TBX1: variants seen among roughly 807,000 people sequenced by gnomAD.
TBX1 encodes T-box transcription factor 1.
A neutral mutation model predicts 40.8 loss-of-function variants in TBX1; 16 were observed. That is an observed-to-expected ratio of 0.39 (90% CI 0.27 to 0.60). The LOEUF is 0.60. TBX1 is among the 20% of genes least tolerant of loss of function. The pLI, the probability that TBX1 is intolerant of heterozygous loss-of-function variation, is 0.51. For synonymous variants in TBX1, 403 were observed against 336.8 expected (o/e 1.20, Z -2.15); for missense variants, 755 against 728.5 (o/e 1.04, Z -0.42).
chr22:19,758,979 C>T (rs973156150), upstream of TBX1, among the ~76,000 whole-genome samples: 1 of 152,234 alleles, frequency 6.6e-6, no homozygotes, highest in Non-Finnish European at 1.5e-5. Context: ...GCTGCCCTCT[C>T]CTCACCCAGG....
rs1265827650 is a variant in TBX1, at chr22:19,766,021, G to T, written c.1036+19G>T. 1.3e-6 allele frequency: 2 copies of T among 1,488,278 alleles called. No homozygotes were observed. The highest frequency in any genetic ancestry group is 2.9e-5 in the East Asian group (1 of 35,056). 92.2% of individuals were successfully genotyped at this position (1,488,278 alleles called of 1,614,324 possible). A position where few individuals can be genotyped will look rare whatever the true frequency, so the allele number is the denominator to read the frequency against. On this transcript the variant is annotated intron_variant, in intron 6 of 6. Transcript: ENST00000649276. ...GAGAAAGGTAGGGCCGGGGTCGTGGGATCCGGGTTCCGGCCCTGTGCGCGC... is the reference window on the plus strand; with the variant it reads ...GAGAAAGGTAGGGCCGGGGTCGTGGTATCCGGGTTCCGGCCCTGTGCGCGC...
downstream of TBX1, among the ~76,000 whole-genome samples, chr22:19,767,804 C>T (rs762606804): frequency 1.3e-4 from 20 of 152,178 alleles, no homozygotes; most frequent in Admixed American, 3.3e-4. Context: ...GGGGAGAAGC[C>T]CCTGACCGGG....
At chr22:19,776,194 G>A (rs1257926740) in intron 8 of TBX1, among the ~76,000 whole-genome samples, 5 of 152,132 alleles carry the variant, frequency 3.3e-5, no homozygotes, top group Admixed American at 1.3e-4. Context: ...TCTGGGGCCT[G>A]TGCTCGTGGC....
At chr22:19,758,819 C>T (rs1395832148), upstream of TBX1, among the ~76,000 whole-genome samples, 4 of 152,202 alleles carry the variant, frequency 2.6e-5, no homozygotes, top group Non-Finnish European at 2.9e-5. Context: ...GCCTGGGCAG[C>T]GTCCCTCTGC....
chr22:19,780,788 GT>G (rs58810923), downstream of TBX1, among the ~76,000 whole-genome samples: 5 of 130,748 alleles, frequency 3.8e-5, no homozygotes, highest in East Asian at 2.2e-4. Context: ...TTTTTTTTTT[GT>G]TTTTTTTTTT....
In TBX1 at chr22:19,767,063, T is replaced by C; in HGVS notation, c.*196T>C. 7.9e-7 allele frequency: 1 copy of C among 1,272,946 alleles called. No homozygotes were observed. Among genetic ancestry groups the C allele is most frequent in the Non-Finnish European group, 9.9e-7 (1 of 1,011,254 alleles). The allele number at this position is 1,272,946 out of a possible 1,614,324, so 78.9% of individuals were successfully genotyped here. ...CCCCTTGGGCTATCGAAGTATCCGGTTCCCCAGTCCCTGGAGCCACCGCGG... is the reference window on the plus strand; with the variant it reads ...CCCCTTGGGCTATCGAAGTATCCGGCTCCCCAGTCCCTGGAGCCACCGCGG... On this transcript the variant is annotated 3_prime_UTR_variant, in exon 7 of 7. Transcript: ENST00000649276.
chr22:19,761,538 G>A (rs1936663869), intron 1 of TBX1, among the ~76,000 whole-genome samples: 1 of 151,680 alleles, frequency 6.6e-6, no homozygotes, highest in South Asian at 2.1e-4. Flanking sequence ...GGAACGGCGA[G>A]GAGCCCCGCG....
chr22:19,768,661 T>C (rs543962216), downstream of TBX1, among the ~76,000 whole-genome samples: 2 of 152,294 alleles, frequency 1.3e-5, no homozygotes, highest in South Asian at 4.1e-4. Context: ...CTCCCTCTCT[T>C]GCTGTCAGAA....
chr22:19,769,180 C>T (rs563159268), downstream of TBX1, among the ~76,000 whole-genome samples: 5 of 152,150 alleles, frequency 3.3e-5, no homozygotes, highest in Admixed American at 6.5e-5. Flanking sequence ...AGGCTGGTCT[C>T]GAACTCCTGA....
downstream of TBX1, among the ~76,000 whole-genome samples, chr22:19,769,718 C>T (rs776671125): frequency 2.6e-5 from 4 of 152,238 alleles, no homozygotes; most frequent in African/African-American, 9.6e-5. Flanking sequence ...GTGATCTGAA[C>T]GTTCACCCCC....
At chr22:19,782,088 G>C (rs1276779509), downstream of TBX1, among the ~76,000 whole-genome samples, 4 of 152,236 alleles carry the variant, frequency 2.6e-5, no homozygotes, top group Non-Finnish European at 5.9e-5. Context: ...AAACCAGGAA[G>C]TATGAATCCT....
In TBX1 at chr22:19,763,275, G is replaced by A. The variant is rs909599095; in HGVS notation, c.472G>A (p.Gly158Ser). The stretch of plus-strand genomic sequence containing the variant: ...TCCCACCTTCCAAGTGAAGCTCTTC[G>A]GCATGGATCCCATGGCCGACTATAT... ...MFPTFQVKLFGMDPMADYMLL... is the reference protein window; with the variant it reads ...MFPTFQVKLFSMDPMADYMLL... Residue 158 changes from glycine to serine, a missense_variant, in exon 2 of 7, where the codon GGC becomes AGC. Physicochemically the swap from Gly to Ser is moderately conservative, Grantham distance 56. Around this residue, in one of 3 missense-constraint regions of TBX1, gnomAD observed 144 missense variants for 238.0 expected, o/e 0.61. Transcript: ENST00000649276. 16 of 1,614,064 alleles carry A rather than the reference G, an allele frequency of 9.9e-6. No individual in the cohort carries two copies. The highest frequency in any genetic ancestry group is 9.3e-5 in the African/African-American group (7 of 74,940).
chr22:19,770,265 T>C (rs1722317611), downstream of TBX1, among the ~76,000 whole-genome samples: 1 of 152,180 alleles, frequency 6.6e-6, no homozygotes, highest in Non-Finnish European at 1.5e-5. Flanking sequence ...AGGAAATAGA[T>C]AGATTCTTGA....
chr22:19,768,953 C>CTTTTTTTTTTTTTTTTTTTTTTTT (rs36085623), downstream of TBX1, among the ~76,000 whole-genome samples: 46 of 66,128 alleles, frequency 7.0e-4, 10 homozygotes, highest in East Asian at 1.7e-3. Context: ...TGTTCGCATT[C>CTTTTTTTTTTTTTTTTTTTTTTTT]TTTTTTTTTT....
At chr22:19,764,849 C>A in intron 3 of TBX1, 109 bp from the exon 4 acceptor site, 3 of 1,365,532 alleles carry the variant, frequency 2.2e-6, no homozygotes, top group Admixed American at 1.7e-5. Context: ...TTGCCCAACT[C>A]ATCCAGGAAA....
chr22:19,774,509 A>T (rs1224180558), intron 8 of TBX1, among the ~76,000 whole-genome samples: 2 of 152,202 alleles, frequency 1.3e-5, no homozygotes, highest in African/African-American at 4.8e-5. Context: ...TCAAAGAGAT[A>T]TTTCTCCACC....
chr22:19,761,738 G>C (rs1281903998), intron 1 of TBX1, among the ~76,000 whole-genome samples: 2 of 152,244 alleles, frequency 1.3e-5, no homozygotes, highest in Admixed American at 6.5e-5. Context: ...GCAAGATAAA[G>C]AGCGGCAGCC....
chr22:19,767,130 C>T lies in TBX1; in HGVS notation c.*263C>T, dbSNP rs1264006024. The T allele has an allele frequency of 1.6e-6, 2 of 1,252,044 alleles. No homozygotes were observed. The highest frequency in any genetic ancestry group is 1.6e-5 in the African/African-American group (1 of 63,440). 77.6% of individuals were successfully genotyped at this position (1,252,044 alleles called of 1,614,324 possible). On this transcript the variant is annotated 3_prime_UTR_variant, in exon 7 of 7. Transcript: ENST00000649276. ...GAGGGCCAAGGGGGTCCCCGCCCGCCAGTGCCAAAGCGCCCGGTCGGAGGC... is the reference window on the plus strand; with the variant it reads ...GAGGGCCAAGGGGGTCCCCGCCCGCTAGTGCCAAAGCGCCCGGTCGGAGGC...
downstream of TBX1, among the ~76,000 whole-genome samples, chr22:19,770,855 G>T (rs907766052): frequency 2.0e-5 from 3 of 152,196 alleles, no homozygotes; most frequent in Admixed American, 6.5e-5. Context: ...CTTCTAGGAC[G>T]AAAGGGATGG....
Sources: gnomAD v4.1 joint callset for allele counts (sites outside exome capture counted in the v4.1 genomes callset) on GRCh38, gnomAD v4.1.1 for gene constraint, gnomAD v4.1.1 regional missense constraint, MANE v1.5 for transcripts, NCBI Gene and HGNC (gene_info 2026-07-23, HGNC 2026-07-21) for gene names.